Variants in ESCO2 observed in about 807,000 individuals in gnomAD.
ESCO2 encodes the protein establishment of sister chromatid cohesion N-acetyltransferase 2, also known as N-acetyltransferase ESCO2.
In ESCO2, 51 loss-of-function variants were observed where a neutral mutation model predicts 61.7. The ratio of observed to expected loss-of-function variants is 0.83; its 90% CI spans 0.66 to 1.04. The LOEUF is 1.04. ESCO2 is among the 50% of genes least tolerant of loss of function. The pLI is 0.00. For synonymous variants in ESCO2, 230 were observed against 238.2 expected (o/e 0.97, Z 0.32); for missense variants, 692 against 686.2 (o/e 1.01, Z -0.09).
At chr8:27,798,232 G>A (rs1805345870) in intron 9 of ESCO2, among the ~76,000 whole-genome samples, 1 of 152,166 alleles carries the variant, frequency 6.6e-6, no homozygotes, top group African/African-American at 2.4e-5. Flanking sequence ...GGCCAAGGCA[G>A]GTGGATCACC....
chr8:27,786,147 A>G (rs931602524), intron 5 of ESCO2, among the ~76,000 whole-genome samples: 2 of 152,210 alleles, frequency 1.3e-5, no homozygotes, highest in Non-Finnish European at 2.9e-5. Context: ...TTAGTAGTTC[A>G]TCAGACCAGT....
At chr8:27,774,327 C>T (rs1305921973), upstream of ESCO2, 2 of 152,168 alleles carry the variant, frequency 1.3e-5, no homozygotes, top group East Asian at 3.9e-4. Context: ...CTAAACAAGG[C>T]CCCGGGAACG....
downstream of ESCO2, chr8:27,810,509 G>T: frequency 6.4e-7 from 1 of 1,560,142 alleles, no homozygotes; most frequent in Non-Finnish European, 8.8e-7. Context: ...TATCTTGAAG[G>T]AGTTAGAGAT....
downstream of ESCO2, among the ~76,000 whole-genome samples, chr8:27,806,617 TTTC>T (rs1329342212): frequency 2.7e-5 from 4 of 146,684 alleles, no homozygotes; most frequent in African/African-American, 1.0e-4. Context: ...TATTGGATAC[TTTC>T]TTTTTTTTTT....
At chr8:27,800,869 T>C (rs1805407882) in intron 10 of ESCO2, among the ~76,000 whole-genome samples, 1 of 152,190 alleles carries the variant, frequency 6.6e-6, no homozygotes, top group African/African-American at 2.4e-5. Flanking sequence ...TGATTATATT[T>C]ACATAAAATG....
intron 4 of ESCO2, among the ~76,000 whole-genome samples, chr8:27,781,327 G>A (rs985475429): frequency 1.3e-5 from 2 of 151,792 alleles, no homozygotes; most frequent in Non-Finnish European, 2.9e-5. Context: ...ATTTTTCAAT[G>A]CAAAGTTAAA....
rs934777547 is a variant in ESCO2, at chr8:27,788,523, CT to C, written c.1132-316del. Among the ~76,000 whole-genome samples, 489 of 121,628 alleles carry C rather than the reference CT, an allele frequency of 4.0e-3. 7 individuals carry two copies. The highest frequency in any genetic ancestry group is 0.013 in the African/African-American group (426 of 33,356). The allele number at this position is 121,628 out of a possible 152,430, so 79.8% of individuals were successfully genotyped here. ...TATTGCATTTTTAGGTCTCTTGTCT[CT>C]TTTTTTTCCCCCCCCAAAGAGATGG... On this transcript the variant is annotated intron_variant, in intron 6 of 10. Coordinates refer to ENST00000305188, the MANE Select transcript of ESCO2 (RefSeq NM_001017420.3).
At chr8:27,791,662 C>G (rs1208229858) in intron 7 of ESCO2, among the ~76,000 whole-genome samples, 1 of 152,168 alleles carries the variant, frequency 6.6e-6, no homozygotes, top group Non-Finnish European at 1.5e-5. Context: ...CTCAAGTGAT[C>G]CACCCACCCG....
intron 6 of ESCO2, 21 bp downstream of exon 6, chr8:27,788,023 G>T (rs1215513372): frequency 3.8e-6 from 6 of 1,563,520 alleles, no homozygotes; most frequent in Non-Finnish European, 5.3e-6. Flanking sequence ...TCCAAACAAA[G>T]CTTCTCCTAT....
rs574952433 is a variant in ESCO2 at position 27,780,390 on chromosome 8, CTTTG to C, written c.955+127_955+130del. The stretch of plus-strand genomic sequence containing the variant: ...TCAGTAGCGTGCCTGTGGTTAGTAT[CTTTG>C]TTTATCTCTGTGACACTGTTTTCTG... On this transcript the variant is annotated intron_variant, in intron 4 of 10. Coordinates refer to ENST00000305188, the MANE Select transcript of ESCO2 (RefSeq NM_001017420.3). 154 of 677,330 alleles carry C rather than the reference CTTTG, an allele frequency of 2.3e-4. 1 individual carries two copies. Among genetic ancestry groups the C allele is most frequent in the Middle Eastern group, 1.6e-3 (4 of 2,450 alleles). 42.0% of individuals were successfully genotyped at this position (677,330 alleles called of 1,614,324 possible).
chr8:27,786,163 G>A (rs7018109), intron 5 of ESCO2, among the ~76,000 whole-genome samples: 3,305 of 152,280 alleles, frequency 0.022, 138 homozygotes, highest in African/African-American at 0.075. Context: ...CCAGTTTAGG[G>A]TGTCATATCT....
chr8:27,797,408 G>A (rs28613345), intron 9 of ESCO2, among the ~76,000 whole-genome samples: 23,456 of 151,828 alleles, frequency 0.15, 2,272 homozygotes, highest in East Asian at 0.37. Context: ...GTTCTCTTTC[G>A]GTTTCCATTT....
rs906403444 is a variant in ESCO2, at chr8:27,799,523, T to G, written c.1498-18T>G. ...CATCTGTGGTGTTAGCTATAGATGC[T>G]TCTGTATATCATTGCAGGCATTTCG... On this transcript the variant is annotated intron_variant, in intron 9 of 10. Transcript: ENST00000305188. 6.2e-7 allele frequency: 1 copy of G among 1,613,846 alleles called. No homozygotes were observed. Among genetic ancestry groups the G allele is most frequent in the Non-Finnish European group, 8.5e-7 (1 of 1,179,916 alleles).
chr8:27,786,999 A>G lies in ESCO2; in HGVS notation c.1014-886A>G, dbSNP rs147957636. Among the ~76,000 whole-genome samples, 93 of 152,106 alleles carry G rather than the reference A, an allele frequency of 6.1e-4. 1 individual carries two copies. The highest frequency in any genetic ancestry group is 1.1e-3 in the Non-Finnish European group (77 of 67,990). ...TACAGAACCAGCAGGCTGGGTGGAGACTAGGGCCAGCTGAAGAATTGCCCA... is the reference window on the plus strand; with the variant it reads ...TACAGAACCAGCAGGCTGGGTGGAGGCTAGGGCCAGCTGAAGAATTGCCCA... On this transcript the variant is annotated intron_variant, in intron 5 of 10. Transcript: ENST00000305188.
chr8:27,778,914 A>C (rs1432325103), intron 3 of ESCO2: 1 of 152,020 alleles, frequency 6.6e-6, no homozygotes, highest in Non-Finnish European at 1.5e-5. Context: ...GGCGAATCTG[A>C]TTTTCTGTTT....
In ESCO2 at chr8:27,792,703, G is replaced by T; in HGVS notation, c.1389G>T (p.Leu463Phe). Residue 463 changes from leucine (L) to phenylalanine (F), a missense_variant, in exon 9 of 11, where the codon TTG (leucine) becomes TTT (phenylalanine). Transcript: ENST00000305188. ...TCCAAGAACTTGTTGATAATGAATTGGGCTTCCAGCAAGTTGTTCCTAAAT... is the reference window on the plus strand; with the variant it reads ...TCCAAGAACTTGTTGATAATGAATTTGGCTTCCAGCAAGTTGTTCCTAAAT... ...EDVQELVDNELGFQQVVPKCP... is the reference protein window; with the variant it reads ...EDVQELVDNEFGFQQVVPKCP... The T allele has an allele frequency of 6.2e-7, 1 of 1,612,344 alleles. No homozygotes were observed. Among genetic ancestry groups the T allele is most frequent in the Non-Finnish European group, 8.5e-7 (1 of 1,179,520 alleles).
downstream of ESCO2, chr8:27,810,388 G>A (rs534955062): frequency 6.2e-7 from 1 of 1,609,040 alleles, no homozygotes; most frequent in East Asian, 2.2e-5. Context: ...ACAGAGAAGA[G>A]TTCAATTACT....
chr8:27,782,679 C>T (rs71519652), intron 4 of ESCO2, among the ~76,000 whole-genome samples: 6,832 of 150,418 alleles, frequency 0.045, 232 homozygotes, highest in Non-Finnish European at 0.07. Context: ...TCAATTTTTT[C>T]CCTTTGTAGA....
chr8:27,777,894 C>G (rs1450958487), intron 3 of ESCO2: 2 of 152,176 alleles, frequency 1.3e-5, no homozygotes, highest in African/African-American at 4.8e-5. Flanking sequence ...CATGTCTTTC[C>G]TAACCCACCT....
Sources: allele counts gnomAD v4.1 joint callset (sites outside exome capture counted in the v4.1 genomes callset), GRCh38; gene constraint gnomAD v4.1.1; transcripts MANE v1.5; gene names NCBI Gene and HGNC (gene_info 2026-07-23, HGNC 2026-07-21).